MTUS2: variants seen among roughly 807,000 people sequenced by gnomAD.
The protein encoded by MTUS2 is microtubule-associated tumor suppressor candidate 2.
Under a neutral mutation model 114.1 loss-of-function variants are expected in MTUS2, and 40 were observed. The observed-to-expected ratio is 0.35, with a 90% CI of 0.27 to 0.46. The LOEUF (loss-of-function observed/expected upper bound fraction) is 0.46, where lower values mean the gene tolerates loss of function less well. Among genes scored for constraint, MTUS2 ranks in the 20% least tolerant of loss-of-function variants. The pLI is 1.00. For missense variants in MTUS2, 1,679 were observed against 1,705.4 expected (o/e 0.98, Z 0.27); for synonymous variants, 688 against 672.0 (o/e 1.02, Z -0.37).
At chr13:29,015,933 C>T (rs1207402175) in intron 2 of MTUS2, among the ~76,000 whole-genome samples, 1 of 151,626 alleles carries the variant, frequency 6.6e-6, no homozygotes, top group East Asian at 1.9e-4. Context: ...TAGATGAAGT[C>T]TCGCTCTGTC....
chr13:29,241,021 A>G (rs1389283316), intron 5 of MTUS2, among the ~76,000 whole-genome samples: 2 of 152,094 alleles, frequency 1.3e-5, no homozygotes, highest in Non-Finnish European at 2.9e-5. Context: ...ATTTGTTTTT[A>G]TGTTTTTAAT....
At chr13:28,933,224 G>T (rs1881716775) in intron 2 of MTUS2, among the ~76,000 whole-genome samples, 1 of 151,836 alleles carries the variant, frequency 6.6e-6, no homozygotes, top group African/African-American at 2.4e-5. Flanking sequence ...TGTGAGGGCT[G>T]GCAAGTCTGA....
At chr13:29,278,923 C>T (rs1297768742) in intron 5 of MTUS2, among the ~76,000 whole-genome samples, 1 of 152,160 alleles carries the variant, frequency 6.6e-6, no homozygotes, top group East Asian at 1.9e-4. Flanking sequence ...AGCAGCCCAT[C>T]TGATATTAAT....
chr13:28,921,765 G>C (rs920257767), intron 2 of MTUS2, among the ~76,000 whole-genome samples: 1 of 152,174 alleles, frequency 6.6e-6, no homozygotes, highest in African/African-American at 2.4e-5. Flanking sequence ...CTGTGTGTGT[G>C]GGTGCTAGCT....
intron 2 of MTUS2, among the ~76,000 whole-genome samples, chr13:28,933,936 A>C (rs2138100800): frequency 6.6e-6 from 1 of 152,322 alleles, no homozygotes; most frequent in South Asian, 2.1e-4. Flanking sequence ...CCTTGACTTC[A>C]TGCTTAGATG....
chr13:29,335,718 G>A (rs1194177163), intron 7 of MTUS2, among the ~76,000 whole-genome samples: 2 of 152,110 alleles, frequency 1.3e-5, no homozygotes, highest in African/African-American at 4.8e-5. Flanking sequence ...TCGGGGGCGG[G>A]TTCCCCCAAT....
Position 29,480,159 on chromosome 13 carries a change from C to G in MTUS2, c.3194C>G (p.Thr1065Arg). The G allele has an allele frequency of 6.4e-7, 1 of 1,553,502 alleles. No individual in the cohort carries two copies. The highest frequency in any genetic ancestry group is 2.4e-5 in the East Asian group (1 of 41,052). Residue 1065 changes from threonine to arginine, a missense_variant, in exon 10 of 16, where the codon ACA becomes AGA. Physicochemically the swap from Thr to Arg is moderately conservative, Grantham distance 71 (BLOSUM62 -1). This residue lies in a region of MTUS2 where 822 missense variants were observed against 899.7 expected (regional missense o/e 0.91). Coordinates refer to ENST00000612955, the MANE Select transcript of MTUS2 (RefSeq NM_001033602.4). This position sits in a 1 kb window ranked among gnomAD's most constrained non-coding sequence, Gnocchi z 4.4. ...TGTGCTTTGCGCCCAGCCTTCCATACAGCAAAGTGCGAGAAACTACAAAAG... is the reference window on the plus strand; with the variant it reads ...TGTGCTTTGCGCCCAGCCTTCCATAGAGCAAAGTGCGAGAAACTACAAAAG... Reference protein sequence around the residue: ...ANIRDEVAFHTAKCEKLQKEK... With the variant: ...ANIRDEVAFHRAKCEKLQKEK...
chr13:29,075,877 C>A (rs1293002351), intron 4 of MTUS2, among the ~76,000 whole-genome samples: 1 of 152,198 alleles, frequency 6.6e-6, no homozygotes, highest in Non-Finnish European at 1.5e-5. Flanking sequence ...AAACCTCTAA[C>A]AAGTCCTACC....
chr13:29,102,406 A>G (rs1730259434), intron 5 of MTUS2, among the ~76,000 whole-genome samples: 1 of 152,222 alleles, frequency 6.6e-6, no homozygotes, highest in Non-Finnish European at 1.5e-5. Flanking sequence ...CCATGTCCAC[A>G]TGACAGCAGC....
rs554264056 is a variant in MTUS2, at chr13:28,925,486, T to G, written c.-243+85636T>G. 9.8e-5 allele frequency among the ~76,000 whole-genome samples: 15 copies of G among 152,352 alleles called. No homozygotes were observed. The East Asian group carries it at 2.7e-3, about 27-fold the overall frequency. On this transcript the variant is annotated intron_variant, in intron 2 of 15. Transcript: ENST00000612955. ...TAATCATTAGCTACTTTTAAGCAGTTTAAACATTTACTAAATTTCTAGTAC... is the reference window on the plus strand; with the variant it reads ...TAATCATTAGCTACTTTTAAGCAGTGTAAACATTTACTAAATTTCTAGTAC...
chr13:29,079,122 T>C (rs949229200), intron 4 of MTUS2, among the ~76,000 whole-genome samples: 2 of 152,182 alleles, frequency 1.3e-5, no homozygotes, highest in South Asian at 2.1e-4. Context: ...TCCTAATGAG[T>C]GTGTCATGGT....
intron 5 of MTUS2, among the ~76,000 whole-genome samples, chr13:29,200,840 G>T (rs540476925): frequency 2.3e-4 from 35 of 152,216 alleles, no homozygotes; most frequent in African/African-American, 7.7e-4. Context: ...TCTTAATCCC[G>T]AGTTCTAATT....
chr13:29,027,840 G>T (rs1395328446), intron 3 of MTUS2, among the ~76,000 whole-genome samples: 1 of 152,068 alleles, frequency 6.6e-6, no homozygotes, highest in Non-Finnish European at 1.5e-5. Flanking sequence ...CGCCCAGCCG[G>T]TATTGCAGTT....
At chr13:28,985,712 T>C (rs1884555154) in intron 2 of MTUS2, among the ~76,000 whole-genome samples, 1 of 152,222 alleles carries the variant, frequency 6.6e-6, no homozygotes, top group Non-Finnish European at 1.5e-5. Flanking sequence ...AAGATTATTC[T>C]GGATATTTCT....
chr13:29,367,606 G>A (rs1301607496), intron 8 of MTUS2, among the ~76,000 whole-genome samples: 1 of 151,902 alleles, frequency 6.6e-6, no homozygotes, highest in East Asian at 1.9e-4. Context: ...AGAAGGGTCA[G>A]GGGGACCTGG....
At chr13:29,354,530 AT>A (rs1279095974) in intron 7 of MTUS2, among the ~76,000 whole-genome samples, 1 of 152,104 alleles carries the variant, frequency 6.6e-6, no homozygotes, top group Non-Finnish European at 1.5e-5. Context: ...TTATTGTTAG[AT>A]CTGGAAACCC....
intron 4 of MTUS2, among the ~76,000 whole-genome samples, chr13:29,083,179 T>G (rs1346062973): frequency 2.6e-5 from 4 of 152,210 alleles, no homozygotes; most frequent in Non-Finnish European, 4.4e-5. Context: ...GAATTTAGCA[T>G]GGTGGCAAGA....
Position 29,267,120 on chromosome 13 carries a change from A to AG in MTUS2, c.2645-14578dup, listed in dbSNP as rs201147690. On this transcript the variant is annotated intron_variant, in intron 5 of 15. Coordinates refer to ENST00000612955, the MANE Select transcript of MTUS2 (RefSeq NM_001033602.4). ...AACCTGGTGCCCATCACAGGAGCAG[A>AG]GGGGGGATTTATATGTGAAGTCCAT... 3.9e-5 allele frequency among the ~76,000 whole-genome samples: 6 copies of AG among 152,140 alleles called. No individual in the cohort carries two copies. In the East Asian group the frequency reaches 1.2e-3, roughly 29 times the overall value.
At chr13:29,333,664 T>C (rs1900908284) in intron 7 of MTUS2, among the ~76,000 whole-genome samples, 1 of 152,190 alleles carries the variant, frequency 6.6e-6, no homozygotes, top group East Asian at 1.9e-4. Flanking sequence ...GTATATTCTG[T>C]TGATTTGGGG....
Sources: allele counts gnomAD v4.1 joint callset (sites outside exome capture counted in the v4.1 genomes callset), GRCh38; gene constraint gnomAD v4.1.1; regional missense constraint gnomAD v4.1.1; non-coding constraint Gnocchi (gnomAD v3.1); transcripts MANE v1.5; gene names NCBI Gene and HGNC (gene_info 2026-07-23, HGNC 2026-07-21).